Variants in DLGAP2 observed in about 807,000 individuals in gnomAD.
DLGAP2 encodes disks large-associated protein 2.
A neutral mutation model predicts 100.3 loss-of-function variants in DLGAP2; 26 were observed. The observed-to-expected ratio is 0.26, with a 90% CI of 0.19 to 0.36. DLGAP2 has a LOEUF of 0.36. DLGAP2 is among the 10% of genes least tolerant of loss of function. DLGAP2 has a pLI of 1.00. For missense variants in DLGAP2, 1,858 were observed against 1,453.2 expected (o/e 1.28, Z -4.53); for synonymous variants, 886 against 630.1 (o/e 1.41, Z -6.08).
chr8:1,529,132 T>G (rs4467958), intron 4 of DLGAP2, among the ~76,000 whole-genome samples: 81,105 of 152,036 alleles, frequency 0.53, 22,547 homozygotes, highest in Middle Eastern at 0.67. Context: ...GCATGGCTGG[T>G]GAGGCCTCAG....
At chr8:1,610,020 G>C (rs1364198553) in intron 6 of DLGAP2, among the ~76,000 whole-genome samples, 1 of 151,794 alleles carries the variant, frequency 6.6e-6, no homozygotes, top group South Asian at 2.1e-4. Context: ...ATTGAACTCA[G>C]CTCTGTACCA....
intron 2 of DLGAP2, among the ~76,000 whole-genome samples, chr8:1,174,174 G>T (rs950810242): frequency 2.0e-5 from 3 of 152,004 alleles, no homozygotes; most frequent in Non-Finnish European, 2.9e-5. Flanking sequence ...TTAGGAATTA[G>T]GTACATTTTC....
At chr8:1,529,304 A>G (rs967133725) in intron 4 of DLGAP2, among the ~76,000 whole-genome samples, 5 of 152,220 alleles carry the variant, frequency 3.3e-5, no homozygotes, top group East Asian at 3.8e-4. Context: ...CCAGGATTCA[A>G]TGACCTCCAC....
intron 2 of DLGAP2, among the ~76,000 whole-genome samples, chr8:1,228,619 C>G (rs1285560855): frequency 6.6e-6 from 1 of 152,160 alleles, no homozygotes; most frequent in Non-Finnish European, 1.5e-5. Context: ...TCCAGGATTT[C>G]AAGTTTGTTT....
chr8:1,601,028 A>T (rs1796607381), intron 6 of DLGAP2, among the ~76,000 whole-genome samples: 1 of 152,056 alleles, frequency 6.6e-6, no homozygotes, highest in Admixed American at 6.6e-5. Context: ...TTGTTCTTTG[A>T]TGCTGGTGAC....
intron 3 of DLGAP2, 110 bp downstream of exon 3, chr8:1,258,993 G>T: frequency 1.1e-6 from 1 of 937,986 alleles, no homozygotes; most frequent in East Asian, 3.3e-5. Context: ...GAACATTGAG[G>T]ACGCAGTCTG....
rs779189186 is a variant in DLGAP2 at position 999,480 on chromosome 8, C to CTT, written c.73+91528_73+91529dup. On this transcript the variant is annotated intron_variant, in intron 2 of 14. Transcript: ENST00000637795. ...TCTTGGTCTTGTGGTGGTGGTTTTT[C>CTT]TTTTTTTTTTTTTTTCCCGATGGAG... 9.2e-3 allele frequency among the ~76,000 whole-genome samples: 1,267 copies of CTT among 137,278 alleles called. 20 individuals are homozygous for CTT. The highest frequency in any genetic ancestry group is 0.031 in the African/African-American group (1,186 of 37,810). 90.1% of individuals were successfully genotyped at this position (137,278 alleles called of 152,430 possible). A position where few individuals can be genotyped will look rare whatever the true frequency, so the allele number is the denominator to read the frequency against.
chr8:975,835 A>G (rs1800148214), intron 2 of DLGAP2, among the ~76,000 whole-genome samples: 2 of 152,192 alleles, frequency 1.3e-5, no homozygotes, highest in Admixed American at 1.3e-4. Context: ...CACTCTTACC[A>G]TGTTGGAAGT....
At chr8:1,434,579 C>G (rs981217563) in intron 3 of DLGAP2, among the ~76,000 whole-genome samples, 3 of 152,124 alleles carry the variant, frequency 2.0e-5, no homozygotes, top group Admixed American at 6.5e-5. Flanking sequence ...TGGGCTCAAG[C>G]AATCCTCCCA....
intron 3 of DLGAP2, among the ~76,000 whole-genome samples, chr8:1,498,187 T>C (rs1242148476): frequency 6.6e-6 from 1 of 152,098 alleles, no homozygotes; most frequent in Non-Finnish European, 1.5e-5. Flanking sequence ...TGGGTGAAGA[T>C]AAGGGGTTGT....
At chr8:1,279,901 G>A (rs534839195) in intron 3 of DLGAP2, among the ~76,000 whole-genome samples, 8 of 152,150 alleles carry the variant, frequency 5.3e-5, no homozygotes, top group African/African-American at 1.7e-4. Flanking sequence ...CAAGGAAGGG[G>A]TTCATACACG....
intron 2 of DLGAP2, among the ~76,000 whole-genome samples, chr8:1,116,364 G>A (rs1391600013): frequency 6.6e-6 from 1 of 152,146 alleles, no homozygotes; most frequent in African/African-American, 2.4e-5. Flanking sequence ...GAAGACTTGG[G>A]GTCAGAAAAC....
rs143117511 is a variant in DLGAP2, at chr8:944,994, T to G, written c.73+37028T>G. 1.3e-4 allele frequency among the ~76,000 whole-genome samples: 20 copies of G among 152,306 alleles called. No homozygotes were observed. In the East Asian group the frequency reaches 3.9e-3, roughly 29 times the overall value. ...ATCTGTGGAGTGATAGTTGGTCACT[T>G]CTGGGTGTTTAACACAATCTATGTG... is the stretch of plus-strand genomic sequence containing the variant. On this transcript the variant is annotated intron_variant, in intron 2 of 14. Transcript: ENST00000637795.
chr8:1,294,572 G>T (rs562462857), intron 3 of DLGAP2, among the ~76,000 whole-genome samples: 3 of 152,192 alleles, frequency 2.0e-5, no homozygotes, highest in African/African-American at 7.2e-5. Context: ...CACCTGTGTC[G>T]TGGCATCACT....
rs186134682 is a variant in DLGAP2, at chr8:794,053, T to C, written c.18+56228T>C. Among the ~76,000 whole-genome samples, 553 of 145,122 alleles carry C rather than the reference T, an allele frequency of 3.8e-3. 20 individuals carry two copies. The highest frequency in any genetic ancestry group is 0.034 in the Admixed American group (495 of 14,682). ...GGGTCCCTGGTGGCGTGAGTGAGGT[T>C]GGGATGAGCTGTTTGCCGGCCTGTG... On this transcript the variant is annotated intron_variant, in intron 1 of 14. Coordinates refer to ENST00000637795, the MANE Select transcript of DLGAP2 (RefSeq NM_001346810.2).
chr8:1,580,857 T>C (rs111660101), intron 6 of DLGAP2, among the ~76,000 whole-genome samples: 181 of 92,348 alleles, frequency 2.0e-3, no homozygotes, highest in East Asian at 3.0e-3. Flanking sequence ...CTACACACCA[T>C]AGTCGAACTA....
At chr8:1,045,942 G>T (rs974696622) in intron 2 of DLGAP2, among the ~76,000 whole-genome samples, 29 of 152,248 alleles carry the variant, frequency 1.9e-4, no homozygotes, top group African/African-American at 6.5e-4. Flanking sequence ...CGGGGCTTGG[G>T]TCCCAGTAAT....
Position 1,095,114 on chromosome 8 carries a change from A to G in DLGAP2, c.74-163737A>G, listed in dbSNP as rs117242501. ...GCCTGGGGCAGCAGCCTGCGCTGGC[A>G]TGGACCACCTTCCCAGGGTGGAGTG... is the stretch of plus-strand genomic sequence containing the variant. On this transcript the variant is annotated intron_variant, in intron 2 of 14. Transcript: ENST00000637795. 3.0e-4 allele frequency among the ~76,000 whole-genome samples: 42 copies of G among 140,628 alleles called. No individual in the cohort carries two copies. The East Asian group carries it at 6.7e-3, about 22-fold the overall frequency. 92.3% of individuals were successfully genotyped at this position (140,628 alleles called of 152,430 possible). A position where few individuals can be genotyped will look rare whatever the true frequency, so the allele number is the denominator to read the frequency against.
At chr8:1,125,916 C>T (rs542276633) in intron 2 of DLGAP2, among the ~76,000 whole-genome samples, 2 of 152,166 alleles carry the variant, frequency 1.3e-5, no homozygotes, top group African/African-American at 4.8e-5. Context: ...AAGGACCCAG[C>T]GAGCTTGGCA....
Sources: allele counts gnomAD v4.1 joint callset (sites outside exome capture counted in the v4.1 genomes callset), GRCh38; gene constraint gnomAD v4.1.1; transcripts MANE v1.5; gene names NCBI Gene and HGNC (gene_info 2026-07-23, HGNC 2026-07-21).